The following KIAA1549 variants were observed in gnomAD, a reference collection of about 807,000 sequenced individuals.
KIAA1549 encodes the protein UPF0606 protein KIAA1549.
Under a neutral mutation model 156.4 loss-of-function variants are expected in KIAA1549, and 70 were observed. The observed-to-expected ratio is 0.45, with a 90% CI of 0.37 to 0.55. The LOEUF (loss-of-function observed/expected upper bound fraction) is 0.55, where lower values mean the gene tolerates loss of function less well. Among genes scored for constraint, KIAA1549 ranks in the 20% least tolerant of loss-of-function variants. The probability of loss-of-function intolerance (pLI) is 0.00; values close to 1 mark genes in which losing one functional copy is unlikely to be tolerated. For synonymous variants in KIAA1549, 1,103 were observed against 1,066.4 expected, an observed-to-expected ratio of 1.03 and a Z score of -0.67; for missense variants, 2,428 against 2,540.9, an observed-to-expected ratio of 0.96 and a Z score of 0.96.
intron 1 of KIAA1549, among the ~76,000 whole-genome samples, chr7:138,964,812 G>A (rs1393091312): frequency 3.3e-5 from 5 of 152,196 alleles, no homozygotes; most frequent in Non-Finnish European, 5.9e-5. Flanking sequence ...TCTAGAGAGC[G>A]ATTTGGCAAT....
In KIAA1549 at chr7:138,832,850, A is replaced by G. The variant is rs995260398; in HGVS notation, c.*5056T>C. Reference sequence around the variant, plus strand: ...TGTTTAAACACTGACAATCACCTCCACGAATATCAAAAGAAACCCGAAATG... The same window carrying G: ...TGTTTAAACACTGACAATCACCTCCGCGAATATCAAAAGAAACCCGAAATG... On this transcript the variant is annotated 3_prime_UTR_variant, in exon 20 of 20. Transcript: ENST00000422774. The G allele has an allele frequency of 1.3e-5, 3 of 227,572 alleles. No homozygotes were observed. The highest frequency in any genetic ancestry group is 6.7e-5 in the African/African-American group (3 of 45,012). The allele number at this position is 227,572 out of a possible 1,614,324, so 14.1% of individuals were successfully genotyped here. A position where few individuals can be genotyped will look rare whatever the true frequency, so the allele number is the denominator to read the frequency against.
intron 14 of KIAA1549, among the ~76,000 whole-genome samples, chr7:138,868,520 C>A (rs1379197122): frequency 6.6e-6 from 1 of 152,118 alleles, no homozygotes; most frequent in Non-Finnish European, 1.5e-5. Flanking sequence ...CTCCACTTCC[C>A]AGGTTGAAAC....
intron 9 of KIAA1549, among the ~76,000 whole-genome samples, chr7:138,895,519 C>A (rs1584737319): frequency 6.6e-6 from 1 of 151,850 alleles, no homozygotes; most frequent in East Asian, 1.9e-4. Context: ...ATGGAACAAG[C>A]CAGTCACAAA....
chr7:138,838,072 C>T lies in KIAA1549; in HGVS notation c.5687G>A (p.Gly1896Glu). The T allele has an allele frequency of 1.9e-6, 3 of 1,590,608 alleles. No homozygotes were observed. Among genetic ancestry groups the T allele is most frequent in the Non-Finnish European group, 2.6e-6 (3 of 1,169,174 alleles). ...TSGREPSAPS[G>E]NLPHRGLQGP... ...CTGCAGTCCCCGGTGGGGGAGGTTC[C>T]CGGAAGGAGCTGAGGGCTCCCTGCC... is the stretch of plus-strand genomic sequence containing the variant. Residue 1896 changes from glycine to glutamate, a missense_variant, in exon 20 of 20, where the codon GGG becomes GAG. Gly to Glu is a moderately conservative substitution (Grantham distance 98). Transcript: ENST00000422774.
rs759573104 is a variant in KIAA1549 at position 138,918,896 on chromosome 7, G to C, written c.730C>G (p.Pro244Ala). ...SAFRTSEGIVPTPGRNLVLYP... is the reference protein window; with the variant it reads ...SAFRTSEGIVATPGRNLVLYP... ...AGCACCAAATTCCTGCCAGGAGTTG[G>C]AACGATGCCCTCAGAGGTGCGAAAA... The change falls in exon 2 of 20, where the codon CCA becomes GCA. Residue 244 changes from proline (P) to alanine (A), a missense_variant. Physicochemically the swap from Pro to Ala is conservative, Grantham distance 27 (BLOSUM62 -1). Around this residue, in one of 5 missense-constraint regions of KIAA1549, gnomAD observed 893 missense variants for 847.9 expected, o/e 1.05. Coordinates refer to ENST00000422774, the MANE Select transcript of KIAA1549 (RefSeq NM_001164665.2). This position sits in a 1 kb window ranked among gnomAD's most constrained non-coding sequence, Gnocchi z 4.2. 5.6e-6 allele frequency: 9 copies of C among 1,613,902 alleles called. No homozygotes were observed. The African/African-American group carries it at 1.1e-4, about 19-fold the overall frequency.
chr7:138,932,387 T>C (rs1011930880), intron 1 of KIAA1549, among the ~76,000 whole-genome samples: 1 of 149,424 alleles, frequency 6.7e-6, no homozygotes, highest in Non-Finnish European at 1.5e-5. Context: ...ACAGCATGTC[T>C]GGAAAGGAAC....
chr7:138,962,679 A>T (rs1813889611), intron 1 of KIAA1549, among the ~76,000 whole-genome samples: 1 of 152,192 alleles, frequency 6.6e-6, no homozygotes, highest in Non-Finnish European at 1.5e-5. Context: ...AACACAGCCA[A>T]GTGAGTGACC....
chr7:138,928,904 T>C (rs1167184155), intron 1 of KIAA1549, among the ~76,000 whole-genome samples: 1 of 151,930 alleles, frequency 6.6e-6, no homozygotes, highest in East Asian at 1.9e-4. Flanking sequence ...TAAAGTATAA[T>C]AAAAAATACA....
intron 1 of KIAA1549, among the ~76,000 whole-genome samples, chr7:138,932,242 G>A (rs1185678920): frequency 1.3e-5 from 2 of 152,180 alleles, no homozygotes; most frequent in East Asian, 1.9e-4. Context: ...TGTCTTAACT[G>A]GAAAACAAGC....
chr7:138,864,141 G>A (rs533278491), intron 15 of KIAA1549, among the ~76,000 whole-genome samples: 67 of 152,252 alleles, frequency 4.4e-4, no homozygotes, highest in African/African-American at 1.4e-3. Flanking sequence ...CGGTGATTCC[G>A]GTGGCTGCGT....
intron 16 of KIAA1549, among the ~76,000 whole-genome samples, chr7:138,852,819 G>T (rs1434509533): frequency 6.6e-6 from 1 of 152,216 alleles, no homozygotes; most frequent in Admixed American, 6.5e-5. Flanking sequence ...TCTACAAGAC[G>T]AAGGCAGCAC....
chr7:138,911,028 T>C, intron 4 of KIAA1549, 118 bp downstream of exon 4: 2 of 820,542 alleles, frequency 2.4e-6, no homozygotes, highest in Non-Finnish European at 3.7e-6. Context: ...TGAGATCCTG[T>C]CTCTAAAAAT....
At chr7:138,916,719 CAG>C in intron 2 of KIAA1549, 27 bp downstream of exon 2, 1 of 1,611,014 alleles carries the variant, frequency 6.2e-7, no homozygotes, top group Non-Finnish European at 8.5e-7. Context: ...TTGCCCACCC[CAG>C]AGAGGCGGCA....
rs749938588 is a variant in KIAA1549 at position 138,832,191 on chromosome 7, C to CTTTTTTTTTTTTTTTTTTTTT, written c.*5714_*5715insAAAAAAAAAAAAAAAAAAAAA. ...TCACCTCTGTCCCTTTTACCTATTCCTTTTTTTTTTTTTTTTTTTTCCAGA... is the reference window on the plus strand; with the variant it reads ...TCACCTCTGTCCCTTTTACCTATTCCTTTTTTTTTTTTTTTTTTTTTTTTTTTTTTTTTTTTTTTTTCCAGA... On this transcript the variant is annotated 3_prime_UTR_variant, in exon 20 of 20. Coordinates refer to ENST00000422774, the MANE Select transcript of KIAA1549 (RefSeq NM_001164665.2). 5 of 140,252 alleles carry CTTTTTTTTTTTTTTTTTTTTT rather than the reference C, an allele frequency of 3.6e-5. No homozygotes were observed. Among genetic ancestry groups the CTTTTTTTTTTTTTTTTTTTTT allele is most frequent in the African/African-American group, 1.0e-4 (3 of 29,852 alleles). The allele number at this position is 140,252 out of a possible 1,614,324, so 8.7% of individuals were successfully genotyped here.
chr7:138,926,209 A>G (rs1337244632), intron 1 of KIAA1549, among the ~76,000 whole-genome samples: 3 of 152,232 alleles, frequency 2.0e-5, no homozygotes. Flanking sequence ...AGGATTTCTA[A>G]GAGTTTACCA....
intron 1 of KIAA1549, among the ~76,000 whole-genome samples, chr7:138,958,060 G>A (rs1813721871): frequency 1.3e-5 from 2 of 152,230 alleles, no homozygotes; most frequent in South Asian, 4.1e-4. Context: ...GACAACGTCT[G>A]TGAATACATA....
intron 1 of KIAA1549, among the ~76,000 whole-genome samples, chr7:138,930,488 T>C (rs1361519877): frequency 6.6e-6 from 1 of 152,264 alleles, no homozygotes; most frequent in Non-Finnish European, 1.5e-5. Flanking sequence ...TGTTGTTTAG[T>C]CTAACTGCCT....
chr7:138,838,246 G>C, intron 19 of KIAA1549, 86 bp from the exon 20 acceptor site: 1 of 1,371,414 alleles, frequency 7.3e-7, no homozygotes, highest in Non-Finnish European at 9.6e-7. Flanking sequence ...AAGGTTCCCA[G>C]GACTGCCCAC....
At chr7:138,952,630 G>A (rs921411902) in intron 1 of KIAA1549, among the ~76,000 whole-genome samples, 1 of 152,160 alleles carries the variant, frequency 6.6e-6, no homozygotes, top group Non-Finnish European at 1.5e-5. Context: ...TACAATAACC[G>A]CCTAATGAGG....
Sources: gnomAD v4.1 joint callset for allele counts (sites outside exome capture counted in the v4.1 genomes callset) on GRCh38, gnomAD v4.1.1 for gene constraint, gnomAD v4.1.1 regional missense constraint, Gnocchi (gnomAD v3.1) non-coding constraint, MANE v1.5 for transcripts, NCBI Gene and HGNC (gene_info 2026-07-23, HGNC 2026-07-21) for gene names.